GPHN: variants seen among roughly 807,000 people sequenced by gnomAD.
GPHN encodes the protein gephyrin.
In GPHN, 17 loss-of-function variants were observed where a neutral mutation model predicts 95.5. That is an observed-to-expected ratio of 0.18 (90% CI 0.12 to 0.27). The LOEUF (loss-of-function observed/expected upper bound fraction) is 0.27. Among genes scored for constraint, GPHN ranks in the 10% least tolerant of loss-of-function variants. GPHN has a pLI of 1.00. For missense variants in GPHN, 660 were observed against 978.1 expected, an observed-to-expected ratio of 0.67 and a Z score of 4.34; for synonymous variants, 320 against 322.5, an observed-to-expected ratio of 0.99 and a Z score of 0.08.
the GPHN span, among the ~76,000 whole-genome samples, chr14:67,496,405 T>G: frequency 2.3e-5 from 3 of 129,858 alleles, no homozygotes; most frequent in East Asian, 4.7e-4. Flanking sequence ...TTTTTTTTTT[T>G]TTTTTTTTTT....
chr14:67,156,485 G>T (rs1171976360), intron 18 of GPHN, among the ~76,000 whole-genome samples: 1 of 152,014 alleles, frequency 6.6e-6, no homozygotes, highest in Non-Finnish European at 1.5e-5. Context: ...AGTCAAGGAT[G>T]CATATTGTAA....
chr14:66,530,117 T>G (rs572563830), intron 1 of GPHN, among the ~76,000 whole-genome samples: 33 of 147,316 alleles, frequency 2.2e-4, no homozygotes, highest in African/African-American at 7.0e-4. Context: ...TGACTGGGGC[T>G]CCCACCTTTT....
intron 10 of GPHN, among the ~76,000 whole-genome samples, chr14:67,053,175 GT>G (rs1249086309): frequency 1.4e-3 from 130 of 94,050 alleles, no homozygotes; most frequent in Admixed American, 1.7e-3. Context: ...GAGCTGGTTT[GT>G]TTTTTTTTTT....
chr14:67,225,962 T>TGCGCGCGC, the GPHN span, among the ~76,000 whole-genome samples: 34 of 113,512 alleles, frequency 3.0e-4, no homozygotes, highest in African/African-American at 1.7e-3. Flanking sequence ...TGTGTGTGTG[T>TGCGCGCGC]GCGCGCGCGC....
At chr14:67,056,900 G>T (rs1446487042) in intron 10 of GPHN, among the ~76,000 whole-genome samples, 2 of 152,200 alleles carry the variant, frequency 1.3e-5, no homozygotes, top group African/African-American at 4.8e-5. Context: ...ATTCGAGCGG[G>T]CGCTCGCGGG....
At chr14:67,075,970 A>C (rs2076477757) in intron 11 of GPHN, among the ~76,000 whole-genome samples, 1 of 152,220 alleles carries the variant, frequency 6.6e-6, no homozygotes, top group Admixed American at 6.5e-5. Flanking sequence ...GACAGGATTT[A>C]AGAGGATTGA....
the GPHN span, chr14:67,729,232 C>T: frequency 1.9e-6 from 3 of 1,611,396 alleles, no homozygotes; most frequent in Non-Finnish European, 2.5e-6. Context: ...AGGCGTCGTC[C>T]GCTCTGAGCT....
At chr14:67,532,658 G>C in the GPHN span, among the ~76,000 whole-genome samples, 1 of 152,292 alleles carries the variant, frequency 6.6e-6, no homozygotes, top group East Asian at 1.9e-4. Context: ...TTCGAGTCCA[G>C]CCTGGGCAAC....
chr14:67,664,846 T>C, the GPHN span, among the ~76,000 whole-genome samples: 1 of 152,032 alleles, frequency 6.6e-6, no homozygotes, highest in Middle Eastern at 3.4e-3. Context: ...TTAGATGATT[T>C]GTCTACTCTG....
intron 3 of GPHN, among the ~76,000 whole-genome samples, chr14:66,776,822 A>G (rs1409829265): frequency 1.3e-5 from 2 of 152,188 alleles, no homozygotes; most frequent in Non-Finnish European, 2.9e-5. Flanking sequence ...ATAGTGGATT[A>G]TCTTTTTATC....
intron 13 of GPHN, among the ~76,000 whole-genome samples, chr14:67,102,693 C>G (rs2077780970): frequency 6.6e-6 from 1 of 151,980 alleles, no homozygotes; most frequent in African/African-American, 2.4e-5. Flanking sequence ...ATAAAAGTGG[C>G]AAGAAATAAA....
intron 5 of GPHN, among the ~76,000 whole-genome samples, chr14:66,896,247 T>C (rs2064843639): frequency 1.3e-5 from 2 of 152,098 alleles, no homozygotes; most frequent in South Asian, 4.1e-4. Context: ...ATAAAAATAA[T>C]GTCTCAATTA....
the GPHN span, among the ~76,000 whole-genome samples, chr14:67,687,777 T>C: frequency 4.7e-5 from 7 of 150,440 alleles, no homozygotes; most frequent in Non-Finnish European, 8.9e-5. Context: ...GGCCCTTTTT[T>C]TTTTTCATTT....
intron 18 of GPHN, among the ~76,000 whole-genome samples, chr14:67,149,227 C>T (rs2081094930): frequency 6.6e-6 from 1 of 152,054 alleles, no homozygotes; most frequent in South Asian, 2.1e-4. Flanking sequence ...GCCTGTAATC[C>T]CAGCTACCTG....
chr14:67,572,035 A>G, the GPHN span: 1 of 1,488,256 alleles, frequency 6.7e-7, no homozygotes, highest in East Asian at 2.5e-5. Flanking sequence ...CCAGCCCCAG[A>G]GACCGGGTCC....
the GPHN span, chr14:67,395,327 C>CA: frequency 2.2e-6 from 3 of 1,368,916 alleles, no homozygotes; most frequent in African/African-American, 2.9e-5. Context: ...AGAGCCCCCC[C>CA]AAGGGGCAGG....
At chr14:66,530,636 G>A (rs1268393166) in intron 1 of GPHN, among the ~76,000 whole-genome samples, 1 of 152,204 alleles carries the variant, frequency 6.6e-6, no homozygotes, top group Non-Finnish European at 1.5e-5. Context: ...AAGACCAAGG[G>A]AGTGTACGGT....
At chr14:66,697,088 T>G (rs189005965) in intron 2 of GPHN, among the ~76,000 whole-genome samples, 18 of 152,346 alleles carry the variant, frequency 1.2e-4, no homozygotes, top group Admixed American at 2.0e-4. Context: ...ATGTGTAAAT[T>G]TCTTTACTCC....
chr14:67,360,110 G>A, the GPHN span: 1 of 422,008 alleles, frequency 2.4e-6, no homozygotes, highest in Non-Finnish European at 4.2e-6. Flanking sequence ...CTGAAACTTT[G>A]AAAGAGGATT....
Sources: gnomAD v4.1 joint callset for allele counts (sites outside exome capture counted in the v4.1 genomes callset) on GRCh38, gnomAD v4.1.1 for gene constraint, MANE v1.5 for transcripts, NCBI Gene and HGNC (gene_info 2026-07-23, HGNC 2026-07-21) for gene names.